The following RSRC1 variants were observed in gnomAD, a reference collection of about 807,000 sequenced individuals.
RSRC1 encodes the protein arginine and serine rich coiled-coil 1, also known as serine/Arginine-related protein 53.
Under a neutral mutation model 49.1 loss-of-function variants are expected in RSRC1, and 39 were observed. The ratio of observed to expected loss-of-function variants is 0.79; its 90% confidence interval spans 0.61 to 1.04. The LOEUF (loss-of-function observed/expected upper bound fraction) is 1.04. RSRC1 is among the 50% of genes least tolerant of loss of function. The probability of loss-of-function intolerance (pLI) is 0.00; values close to 1 mark genes in which losing one functional copy is unlikely to be tolerated. For synonymous variants in RSRC1, 143 were observed against 130.8 expected (o/e 1.09, Z -0.63); for missense variants, 388 against 402.4 (o/e 0.96, Z 0.31).
At chr3:158,276,532 C>G in intron 4 of RSRC1, 1 of 548,480 alleles carries the variant, frequency 1.8e-6, no homozygotes, top group Non-Finnish European at 3.2e-6. Context: ...CTCAAACTCT[C>G]AGTTTGTAAA....
At position 158,544,336 on chromosome 3, in the gene RSRC1, A is replaced by G; in HGVS notation, c.*61A>G. ...TAACATTGGAAATTTAGGTTTTTAA[A>G]TCCCAATATTAACTTTTTACTCTTA... On this transcript the variant is annotated 3_prime_UTR_variant, in exon 10 of 10. Coordinates refer to ENST00000611884, the MANE Select transcript of RSRC1 (RefSeq NM_001271838.2). 9.2e-7 allele frequency: 1 copy of G among 1,084,412 alleles called. No individual in the cohort carries two copies. The highest frequency in any genetic ancestry group is 1.5e-5 in the South Asian group (1 of 65,594). 67.2% of individuals were successfully genotyped at this position (1,084,412 alleles called of 1,614,324 possible). A position where few individuals can be genotyped will look rare whatever the true frequency, so the allele number is the denominator to read the frequency against.
intron 5 of RSRC1, among the ~76,000 whole-genome samples, chr3:158,323,833 C>A (rs1578336318): frequency 6.6e-6 from 1 of 152,138 alleles, no homozygotes; most frequent in Admixed American, 6.6e-5. Flanking sequence ...GAATGGGTCT[C>A]CTTATCTCCT....
intron 6 of RSRC1, among the ~76,000 whole-genome samples, chr3:158,440,018 C>G (rs754710789): frequency 1.2e-4 from 18 of 150,682 alleles, no homozygotes; most frequent in Non-Finnish European, 2.4e-4. Context: ...CTAATGCATG[C>G]GGTGCTTAAA....
At chr3:158,288,235 G>A (rs1231865730) in intron 4 of RSRC1, among the ~76,000 whole-genome samples, 1 of 152,108 alleles carries the variant, frequency 6.6e-6, no homozygotes, top group South Asian at 2.1e-4. Context: ...TATGTACTCA[G>A]TCTACCCAAA....
chr3:158,481,700 T>C (rs886107842), intron 7 of RSRC1, among the ~76,000 whole-genome samples: 4 of 152,070 alleles, frequency 2.6e-5, no homozygotes. Context: ...TTTAAAAACC[T>C]AATTGAGGTT....
At chr3:158,458,590 T>G (rs532620958) in intron 6 of RSRC1, among the ~76,000 whole-genome samples, 6 of 151,740 alleles carry the variant, frequency 4.0e-5, no homozygotes, top group African/African-American at 1.2e-4. Flanking sequence ...CCGGGGAGAG[T>G]GGAAGAACCA....
intron 6 of RSRC1, among the ~76,000 whole-genome samples, chr3:158,407,092 C>T (rs1734193807): frequency 6.6e-6 from 1 of 152,116 alleles, no homozygotes; most frequent in African/African-American, 2.4e-5. Context: ...TAACCAGTAG[C>T]ATTTTAGTAC....
chr3:158,186,753 G>A (rs367762808), intron 3 of RSRC1, among the ~76,000 whole-genome samples: 6 of 151,916 alleles, frequency 3.9e-5, no homozygotes, highest in Admixed American at 1.3e-4. Context: ...TTTTTTAGAG[G>A]GGAGGCACTG....
chr3:158,139,634 G>A (rs1716615381), intron 3 of RSRC1, among the ~76,000 whole-genome samples: 1 of 120,888 alleles, frequency 8.3e-6, no homozygotes, highest in African/African-American at 3.1e-5. Context: ...AATCCCATTA[G>A]TCTTTTTTTT....
Position 158,536,068 on chromosome 3 carries a change from A to G in RSRC1, c.653-1024A>G, listed in dbSNP as rs150035091. On this transcript the variant is annotated intron_variant, in intron 7 of 9. Transcript: ENST00000611884. ...GTGAGAGATTAATGGAGAACTTTCTAAGGGGTCAGACTGACTCACCTTGTC... is the reference window on the plus strand; with the variant it reads ...GTGAGAGATTAATGGAGAACTTTCTGAGGGGTCAGACTGACTCACCTTGTC... Among the ~76,000 whole-genome samples, 285 of 151,494 alleles carry G rather than the reference A, an allele frequency of 1.9e-3. 5 individuals carry two copies. In the South Asian group the frequency reaches 0.029, roughly 15 times the overall value.
At chr3:158,339,373 G>A (rs1199111037) in intron 5 of RSRC1, among the ~76,000 whole-genome samples, 2 of 151,110 alleles carry the variant, frequency 1.3e-5, no homozygotes, top group Non-Finnish European at 2.9e-5. Flanking sequence ...AGGAATGTCT[G>A]TCATGTTGTC....
intron 5 of RSRC1, among the ~76,000 whole-genome samples, chr3:158,308,086 T>G (rs79611540): frequency 0.025 from 3,824 of 152,056 alleles, 156 homozygotes; most frequent in African/African-American, 0.088. Flanking sequence ...TTGGTTGATA[T>G]GTAAAAGAAG....
chr3:158,117,811 A>G (rs1019345567), intron 1 of RSRC1, among the ~76,000 whole-genome samples: 4 of 151,538 alleles, frequency 2.6e-5, no homozygotes, highest in African/African-American at 9.7e-5. Context: ...TTTTTTTTTT[A>G]TAGAATGCGT....
At position 158,516,640 on chromosome 3, in the gene RSRC1, G is replaced by C. The variant is rs1057485117; in HGVS notation, c.653-20452G>C. Reference sequence around the variant, plus strand: ...GGGCTCCACCCGGTTGGAGCTTCCCGGCTGCTTTGTTTACCTAAGCAAGCC... The same window carrying C: ...GGGCTCCACCCGGTTGGAGCTTCCCCGCTGCTTTGTTTACCTAAGCAAGCC... On this transcript the variant is annotated intron_variant, in intron 7 of 9. Coordinates refer to ENST00000611884, the MANE Select transcript of RSRC1 (RefSeq NM_001271838.2). Among the ~76,000 whole-genome samples the C allele has an allele frequency of 7.2e-5, 11 of 152,300 alleles. No individual in the cohort carries two copies. In the South Asian group the frequency reaches 1.2e-3, roughly 17 times the overall value.
chr3:158,240,368 GA>G (rs1359548422), intron 4 of RSRC1, among the ~76,000 whole-genome samples: 1 of 151,956 alleles, frequency 6.6e-6, no homozygotes, highest in African/African-American at 2.4e-5. Context: ...ATTTATCAAA[GA>G]TTTTTTTCTA....
intron 6 of RSRC1, among the ~76,000 whole-genome samples, chr3:158,374,256 A>G (rs972791246): frequency 6.6e-6 from 1 of 152,110 alleles, no homozygotes; most frequent in African/African-American, 2.4e-5. Flanking sequence ...ATGTAATGCA[A>G]TTCACAAAGT....
chr3:158,147,525 T>TTA (rs1717219157), intron 3 of RSRC1, among the ~76,000 whole-genome samples: 1 of 151,666 alleles, frequency 6.6e-6, no homozygotes, highest in South Asian at 2.1e-4. Flanking sequence ...CTTTTTTTTT[T>TTA]ATTTTTCAAA....
At chr3:158,518,148 A>ATTTTTTTTTTTTTTTTTTT (rs72132266) in intron 7 of RSRC1, among the ~76,000 whole-genome samples, 11 of 44,136 alleles carry the variant, frequency 2.5e-4, no homozygotes, top group South Asian at 1.0e-3. Flanking sequence ...ATATATATAT[A>ATTTTTTTTTTTTTTTTTTT]TTTTTTTTTT....
intron 5 of RSRC1, among the ~76,000 whole-genome samples, chr3:158,307,812 A>G (rs773754867): frequency 7.3e-5 from 11 of 151,712 alleles, no homozygotes; most frequent in African/African-American, 2.4e-4. Context: ...TTTTATGTAT[A>G]TGAAACTAAT....
Sources: allele counts gnomAD v4.1 joint callset (sites outside exome capture counted in the v4.1 genomes callset), GRCh38; gene constraint gnomAD v4.1.1; transcripts MANE v1.5; gene names NCBI Gene and HGNC (gene_info 2026-07-23, HGNC 2026-07-21).